SGCZ: variants seen among roughly 807,000 people sequenced by gnomAD.
SGCZ encodes sarcoglycan zeta.
A neutral mutation model predicts 41.3 loss-of-function variants in SGCZ; 40 were observed. The observed-to-expected ratio is 0.97, with a 90% CI of 0.75 to 1.26. The LOEUF (loss-of-function observed/expected upper bound fraction) is 1.26, where lower values mean the gene tolerates loss of function less well. Ranked by LOEUF, SGCZ falls within the 50% of genes most tolerant of loss-of-function variation. SGCZ has a pLI of 0.00. For synonymous variants in SGCZ, 206 were observed against 137.5 expected (o/e 1.50, Z -3.49); for missense variants, 552 against 369.8 (o/e 1.49, Z -4.04).
chr8:14,682,949 A>T (rs1180158384), intron 1 of SGCZ, among the ~76,000 whole-genome samples: 2 of 152,182 alleles, frequency 1.3e-5, no homozygotes, highest in Non-Finnish European at 2.9e-5. Flanking sequence ...ACACCTCTGA[A>T]TCTGTGTTCA....
At chr8:14,555,261 A>G (rs1164990590) in intron 1 of SGCZ, among the ~76,000 whole-genome samples, 1 of 152,038 alleles carries the variant, frequency 6.6e-6, no homozygotes, top group Non-Finnish European at 1.5e-5. Context: ...CTCATGTCCA[A>G]GTGATACAGT....
chr8:14,595,543 C>T (rs560090234), intron 1 of SGCZ, among the ~76,000 whole-genome samples: 2 of 152,112 alleles, frequency 1.3e-5, no homozygotes, highest in African/African-American at 4.8e-5. Context: ...ACTGAAGTTC[C>T]GTGGCTGCTG....
intron 3 of SGCZ, among the ~76,000 whole-genome samples, chr8:14,263,826 C>G (rs561683336): frequency 3.9e-5 from 6 of 152,290 alleles, no homozygotes; most frequent in South Asian, 4.1e-4. Flanking sequence ...ACCCCTCTCC[C>G]AACTCCAAGA....
intron 5 of SGCZ, among the ~76,000 whole-genome samples, chr8:14,134,885 CAG>C (rs1803150504): frequency 6.6e-6 from 1 of 152,026 alleles, no homozygotes; most frequent in African/African-American, 2.4e-5. Flanking sequence ...AAAAACATGA[CAG>C]ATATAATAGT....
At chr8:14,132,767 G>A (rs1413348270) in intron 5 of SGCZ, among the ~76,000 whole-genome samples, 1 of 151,982 alleles carries the variant, frequency 6.6e-6, no homozygotes. Context: ...TTGCAAACTG[G>A]GCATTTGAGT....
intron 1 of SGCZ, among the ~76,000 whole-genome samples, chr8:14,784,943 A>G (rs1243995311): frequency 2.3e-5 from 3 of 130,280 alleles, no homozygotes; most frequent in African/African-American, 8.6e-5. Context: ...TAAAATATAT[A>G]TATTTTTTAT....
chr8:15,231,610 CTTTTTTTTTTTTTTTT>C (rs914572473), intron 1 of SGCZ, among the ~76,000 whole-genome samples: 2 of 72,102 alleles, frequency 2.8e-5, no homozygotes, highest in East Asian at 4.1e-4. Flanking sequence ...TTAATATATT[CTTTTTTTTTTTTTTTT>C]TTTTTTTTTT....
intron 1 of SGCZ, among the ~76,000 whole-genome samples, chr8:15,014,742 T>C (rs1464770485): frequency 6.6e-6 from 1 of 152,228 alleles, no homozygotes; most frequent in Non-Finnish European, 1.5e-5. Context: ...GAGTCCATAC[T>C]GACTTTATAA....
chr8:14,194,115 G>C (rs554514109), intron 4 of SGCZ, among the ~76,000 whole-genome samples: 4 of 151,710 alleles, frequency 2.6e-5, no homozygotes, highest in African/African-American at 9.6e-5. Context: ...AATATAATAC[G>C]TAAGAGATTT....
Position 14,551,464 on chromosome 8 carries a change from T to TA in SGCZ, c.234+3267_234+3268insT, listed in dbSNP as rs1491174868. Among the ~76,000 whole-genome samples, 6 of 7,386 alleles carry TA rather than the reference T, an allele frequency of 8.1e-4. 1 individual carries two copies. Among genetic ancestry groups the TA allele is most frequent in the Non-Finnish European group, 1.2e-3 (5 of 4,070 alleles). 4.8% of individuals were successfully genotyped at this position (7,386 alleles called of 152,430 possible). A position where few individuals can be genotyped will look rare whatever the true frequency, so the allele number is the denominator to read the frequency against. Reference sequence around the variant, plus strand: ...CTATTTCATATATATATTATATATATTATATATATTATATATTATATATAT... The same window carrying TA: ...CTATTTCATATATATATTATATATATATATATATATTATATATTATATATAT... On this transcript the variant is annotated intron_variant, in intron 2 of 7. Transcript: ENST00000382080.
At chr8:15,055,473 G>A (rs1305528739) in intron 1 of SGCZ, among the ~76,000 whole-genome samples, 2 of 152,228 alleles carry the variant, frequency 1.3e-5, no homozygotes, top group East Asian at 1.9e-4. Flanking sequence ...GACTATGTAC[G>A]AATTTCAGGA....
chr8:14,126,037 G>C (rs576359376), intron 5 of SGCZ, among the ~76,000 whole-genome samples: 1 of 152,168 alleles, frequency 6.6e-6, no homozygotes, highest in African/African-American at 2.4e-5. Flanking sequence ...TAGAAGAAAG[G>C]CTAGGCAATA....
At chr8:15,196,949 G>A (rs1333546734) in intron 1 of SGCZ, among the ~76,000 whole-genome samples, 1 of 152,166 alleles carries the variant, frequency 6.6e-6, no homozygotes, top group Non-Finnish European at 1.5e-5. Context: ...TCATTCTCTA[G>A]CAGGACAGAC....
chr8:15,035,005 A>T lies in SGCZ; in HGVS notation c.39+202580T>A, dbSNP rs144382532. Among the ~76,000 whole-genome samples, 167 of 152,264 alleles carry T rather than the reference A, an allele frequency of 1.1e-3. 1 individual carries two copies. The highest frequency in any genetic ancestry group is 3.9e-3 in the African/African-American group (163 of 41,580). On this transcript the variant is annotated intron_variant, in intron 1 of 7. Coordinates refer to ENST00000382080, the MANE Select transcript of SGCZ (RefSeq NM_139167.4). ...AAGGAGTATAATTAGTAATGAAAAC[A>T]CCTGAAAGTATTAAGATGACTCATA...
intron 1 of SGCZ, among the ~76,000 whole-genome samples, chr8:14,712,500 T>C (rs1257377178): frequency 6.6e-6 from 1 of 152,168 alleles, no homozygotes; most frequent in East Asian, 1.9e-4. Context: ...GGCAGTTATG[T>C]AGTGAATTTT....
rs192967152 is a variant in SGCZ, at chr8:14,927,927, A to T, written c.39+309658T>A. 4.1e-3 allele frequency among the ~76,000 whole-genome samples: 624 copies of T among 152,234 alleles called. 6 individuals are homozygous for T. Among genetic ancestry groups the T allele is most frequent in the South Asian group, 0.017 (83 of 4,822 alleles). ...ACCAACTTCATTAGTACCATATTTGATGATTTTTCAACATCCCAAGAACCT... is the reference window on the plus strand; with the variant it reads ...ACCAACTTCATTAGTACCATATTTGTTGATTTTTCAACATCCCAAGAACCT... On this transcript the variant is annotated intron_variant, in intron 1 of 7. Transcript: ENST00000382080.
At chr8:14,389,966 A>C (rs1804708402) in intron 2 of SGCZ, among the ~76,000 whole-genome samples, 1 of 151,992 alleles carries the variant, frequency 6.6e-6, no homozygotes, top group South Asian at 2.1e-4. Context: ...TTGAGAAACG[A>C]AGACGGGGGA....
chr8:14,618,286 T>C (rs1042832795), intron 1 of SGCZ, among the ~76,000 whole-genome samples: 1 of 152,110 alleles, frequency 6.6e-6, no homozygotes, highest in African/African-American at 2.4e-5. Context: ...CAGAATTAAT[T>C]TGGGAGATAG....
At chr8:15,063,005 C>T (rs769817647) in intron 1 of SGCZ, among the ~76,000 whole-genome samples, 39 of 152,050 alleles carry the variant, frequency 2.6e-4, no homozygotes, top group Admixed American at 4.6e-4. Flanking sequence ...TCACAGTGTA[C>T]CTGAGGATGA....
Sources: gnomAD v4.1 joint callset for allele counts (sites outside exome capture counted in the v4.1 genomes callset) on GRCh38, gnomAD v4.1.1 for gene constraint, MANE v1.5 for transcripts, NCBI Gene and HGNC (gene_info 2026-07-23, HGNC 2026-07-21) for gene names.